Variants in USF2 observed in about 807,000 individuals in gnomAD.
USF2 encodes upstream stimulatory factor 2.
USF2 carries 16 observed loss-of-function variants against 46.9 expected under a neutral mutation model. That is an observed-to-expected ratio of 0.34 (90% CI 0.23 to 0.52). USF2 has a LOEUF of 0.52. Ranked by LOEUF, USF2 falls within the 20% of genes least tolerant of loss-of-function variation. The pLI is 0.96. For synonymous variants in USF2, 239 were observed against 194.1 expected (o/e 1.23, Z -1.92); for missense variants, 411 against 474.0 (o/e 0.87, Z 1.23).
intron 1 of USF2, 87 bp downstream of exon 1, chr19:35,269,250 G>A (rs1273026205): frequency 4.2e-6 from 4 of 960,238 alleles, no homozygotes; most frequent in Non-Finnish European, 4.9e-6. Context: ...ATGATCCCGA[G>A]CGGCCGCGGG....
chr19:35,271,231 C>A, intron 7 of USF2, 90 bp downstream of exon 7: 1 of 1,514,168 alleles, frequency 6.6e-7, no homozygotes, highest in Non-Finnish European at 9.1e-7. Flanking sequence ...AGAGAGAAGC[C>A]ACTCCTGGGC....
intron 7 of USF2, among the ~76,000 whole-genome samples, chr19:35,271,913 G>C (rs977343929): frequency 6.6e-6 from 1 of 152,196 alleles, no homozygotes; most frequent in Non-Finnish European, 1.5e-5. Flanking sequence ...GGGTGGGCTG[G>C]GGTGACGCTT....
At chr19:35,271,299 C>T (rs778264830) in intron 7 of USF2, among the ~76,000 whole-genome samples, 158 bp downstream of exon 7, 2 of 152,140 alleles carry the variant, frequency 1.3e-5, no homozygotes, top group African/African-American at 2.4e-5. Flanking sequence ...AAGTGAGCAA[C>T]GAGGGGAGAG....
chr19:35,279,472 T>A lies in USF2; in HGVS notation c.*216T>A. The A allele has an allele frequency of 1.8e-6, 1 of 549,582 alleles. No individual in the cohort carries two copies. Among genetic ancestry groups the A allele is most frequent in the Non-Finnish European group, 3.0e-6 (1 of 327,986 alleles). The allele number at this position is 549,582 out of a possible 1,614,324, so 34.0% of individuals were successfully genotyped here. ...ACGGTATCCTCCCTGCCCATCCGTC[T>A]GTCTGTCGCCCTTCTCCCGGCCCTC... On this transcript the variant is annotated 3_prime_UTR_variant, in exon 10 of 10. Transcript: ENST00000222305.
At chr19:35,269,255 C>G (rs1450948682) in intron 1 of USF2, 92 bp downstream of exon 1, 3 of 960,234 alleles carry the variant, frequency 3.1e-6, no homozygotes, top group Non-Finnish European at 3.7e-6. Flanking sequence ...CCCGAGCGGC[C>G]GCGGGCCCGG....
intron 7 of USF2, among the ~76,000 whole-genome samples, chr19:35,272,134 G>A (rs149612016): frequency 8.3e-4 from 126 of 152,296 alleles, no homozygotes; most frequent in Middle Eastern, 3.4e-3. Context: ...CTGAGTTCAG[G>A]CGTTCATTCA....
intron 7 of USF2, among the ~76,000 whole-genome samples, chr19:35,272,017 T>A (rs1163372418): frequency 6.6e-6 from 1 of 152,124 alleles, no homozygotes; most frequent in East Asian, 1.9e-4. Flanking sequence ...GGAGGGAAGA[T>A]CGGGAAGGCC....
At chr19:35,270,664 C>A in intron 5 of USF2, 54 bp from the exon 6 acceptor site, 2 of 1,612,218 alleles carry the variant, frequency 1.2e-6, no homozygotes, top group Non-Finnish European at 1.7e-6. Context: ...GAAGCCCCCC[C>A]AGCCAGTTCT....
Position 35,269,638 on chromosome 19 carries a change from A to AG in USF2, c.169dup (p.Ala57GlyfsTer30). The AG allele has an allele frequency of 6.3e-7, 1 of 1,578,006 alleles. No homozygotes were observed. Among genetic ancestry groups the AG allele is most frequent in the Non-Finnish European group, 8.6e-7 (1 of 1,161,710 alleles). ...GCGGTGGCCATCACCAGCGTCCAGCAGGCGGCGTTCGGCGACCACAACATC... is the reference window on the plus strand; with the variant it reads ...GCGGTGGCCATCACCAGCGTCCAGCAGGGCGGCGTTCGGCGACCACAACATC... On this transcript the variant is annotated frameshift_variant, in exon 3 of 10. Transcript: ENST00000222305. LOFTEE classifies it high-confidence loss of function.
intron 7 of USF2, among the ~76,000 whole-genome samples, chr19:35,276,556 G>A (rs906273439): frequency 4.6e-5 from 7 of 152,112 alleles, no homozygotes; most frequent in African/African-American, 1.7e-4. Flanking sequence ...GAGGAGATGC[G>A]GTCCTGACCT....
chr19:35,269,744 G>T (rs1286651016), intron 3 of USF2, 45 bp downstream of exon 3: 3 of 1,466,736 alleles, frequency 2.0e-6, no homozygotes, highest in Middle Eastern at 2.4e-4. Context: ...GGGCGGGCGC[G>T]CCGGGAAGGC....
chr19:35,274,674 A>C (rs546499296), intron 7 of USF2, among the ~76,000 whole-genome samples: 50 of 152,336 alleles, frequency 3.3e-4, no homozygotes, highest in African/African-American at 1.2e-3. Context: ...CTGGTGGTAC[A>C]TGCCTGTAAC....
intron 4 of USF2, 53 bp from the exon 5 acceptor site, chr19:35,270,394 G>C: frequency 1.3e-6 from 2 of 1,580,368 alleles, no homozygotes; most frequent in Non-Finnish European, 1.7e-6. Flanking sequence ...ATGAGGGGAC[G>C]GGATGGAGGA....
chr19:35,279,261 C>G lies in USF2; in HGVS notation c.*5C>G. ...GGCGAGGGCACCCGGCAGTGACGCC[C>G]GCCACCACCACGCAGCCGCCGCCGC... On this transcript the variant is annotated 3_prime_UTR_variant, in exon 10 of 10. Transcript: ENST00000222305. 1 of 1,516,192 alleles carries G rather than the reference C, an allele frequency of 6.6e-7. No homozygotes were observed. Among genetic ancestry groups the G allele is most frequent in the Non-Finnish European group, 8.8e-7 (1 of 1,131,070 alleles). 93.9% of individuals were successfully genotyped at this position (1,516,192 alleles called of 1,614,324 possible). A position where few individuals can be genotyped will look rare whatever the true frequency, so the allele number is the denominator to read the frequency against.
intron 7 of USF2, among the ~76,000 whole-genome samples, chr19:35,273,136 C>A (rs2066181966): frequency 6.6e-6 from 1 of 152,064 alleles, no homozygotes; most frequent in Admixed American, 6.6e-5. Context: ...CAGTCTTCAT[C>A]ACCTGCCCAC....
rs967432518 is a variant in USF2, at chr19:35,274,376, G to A, written c.727+3235G>A. Reference sequence around the variant, plus strand: ...TCTCTTCTGTGGTGATTTCAGATCCGCTTCTCTCACTTCTTTTTCCCTCCT... The same window carrying A: ...TCTCTTCTGTGGTGATTTCAGATCCACTTCTCTCACTTCTTTTTCCCTCCT... On this transcript the variant is annotated intron_variant, in intron 7 of 9. Transcript: ENST00000222305. Among the ~76,000 whole-genome samples the A allele has an allele frequency of 7.2e-5, 11 of 152,076 alleles. No homozygotes were observed. The East Asian group carries it at 7.7e-4, about 11-fold the overall frequency.
chr19:35,274,160 C>T (rs2066199532), intron 7 of USF2, among the ~76,000 whole-genome samples: 2 of 152,222 alleles, frequency 1.3e-5, no homozygotes, highest in African/African-American at 4.8e-5. Context: ...TCTGGACATC[C>T]CTGTAATGCC....
intron 7 of USF2, among the ~76,000 whole-genome samples, chr19:35,273,342 G>T (rs1363944702): frequency 1.3e-5 from 2 of 152,162 alleles, no homozygotes; most frequent in African/African-American, 4.8e-5. Context: ...GATGCTGCCT[G>T]TTTCCCTCTG....
chr19:35,273,584 G>A (rs892053821), intron 7 of USF2, among the ~76,000 whole-genome samples: 2 of 152,206 alleles, frequency 1.3e-5, no homozygotes, highest in Admixed American at 1.3e-4. Context: ...TGAGAAGGGG[G>A]TCTCACTCTG....
Sources: gnomAD v4.1 joint callset for allele counts (sites outside exome capture counted in the v4.1 genomes callset) on GRCh38, gnomAD v4.1.1 for gene constraint, MANE v1.5 for transcripts, NCBI Gene and HGNC (gene_info 2026-07-23, HGNC 2026-07-21) for gene names.